PTPRD: variants seen among roughly 807,000 people sequenced by gnomAD.
PTPRD encodes protein tyrosine phosphatase receptor type D, also known as receptor-type tyrosine-protein phosphatase delta.
Under a neutral mutation model 214.5 loss-of-function variants are expected in PTPRD, and 34 were observed. That is an observed-to-expected ratio of 0.16 (90% CI 0.12 to 0.21). The LOEUF is 0.21. Ranked by LOEUF, PTPRD falls within the 10% of genes least tolerant of loss-of-function variation. The pLI, the probability that PTPRD is intolerant of heterozygous loss-of-function variation, is 1.00. For missense variants in PTPRD, 2,545 were observed against 2,398.7 expected (o/e 1.06, Z -1.27); for synonymous variants, 1,128 against 845.7 (o/e 1.33, Z -5.79).
chr9:8,371,164 ATAAG>A (rs780327760), intron 39 of PTPRD, among the ~76,000 whole-genome samples: 20 of 152,088 alleles, frequency 1.3e-4, no homozygotes, highest in Non-Finnish European at 2.6e-4. Context: ...AGAAATAGTT[ATAAG>A]TAAGGCAAAG....
chr9:8,795,406 A>G (rs1168192076), intron 11 of PTPRD, among the ~76,000 whole-genome samples: 1 of 152,094 alleles, frequency 6.6e-6, no homozygotes, highest in Non-Finnish European at 1.5e-5. Context: ...GACCTCAGGC[A>G]ATTCGCCCAC....
At chr9:9,566,040 A>T (rs1369481445) in intron 8 of PTPRD, among the ~76,000 whole-genome samples, 1 of 151,934 alleles carries the variant, frequency 6.6e-6, no homozygotes, top group African/African-American at 2.4e-5. Flanking sequence ...CTCATTTGTG[A>T]CAACTTGAAT....
chr9:8,745,787 T>TCG (rs2092728375), intron 11 of PTPRD, among the ~76,000 whole-genome samples: 2 of 15,676 alleles, frequency 1.3e-4, no homozygotes, highest in African/African-American at 2.0e-4. Flanking sequence ...ATGGAGTTTC[T>TCG]CTCTCTCTCT....
intron 5 of PTPRD, among the ~76,000 whole-genome samples, chr9:9,833,258 G>C (rs987996344): frequency 1.3e-5 from 2 of 151,986 alleles, no homozygotes; most frequent in Non-Finnish European, 2.9e-5. Context: ...GTACAAAAGA[G>C]ATAAATTTTA....
rs531107396 is a variant in PTPRD, at chr9:10,390,075, T to C, written c.-599-49058A>G. On this transcript the variant is annotated intron_variant, in intron 2 of 45. Transcript: ENST00000381196. ...CAATTGCAATTAATTTTTTGATAAA[T>C]TGCCCATTAGGAGCAAATAAAGAAA... is the stretch of plus-strand genomic sequence containing the variant. Among the ~76,000 whole-genome samples, 4 of 151,930 alleles carry C rather than the reference T, an allele frequency of 2.6e-5. No individual in the cohort carries two copies. The East Asian group carries it at 5.9e-4, about 22-fold the overall frequency.
intron 3 of PTPRD, among the ~76,000 whole-genome samples, chr9:10,061,679 C>T (rs1353397700): frequency 1.3e-5 from 2 of 151,904 alleles, no homozygotes; most frequent in African/African-American, 4.8e-5. Context: ...TTTATCCAGC[C>T]AGAAAGGGAA....
chr9:9,714,463 A>G (rs2097784618), intron 7 of PTPRD, among the ~76,000 whole-genome samples: 1 of 151,948 alleles, frequency 6.6e-6, no homozygotes, highest in South Asian at 2.1e-4. Flanking sequence ...CATATACAAA[A>G]TGAACATTAT....
At position 8,981,979 on chromosome 9, in the gene PTPRD, C is replaced by A. The variant is rs546671766; in HGVS notation, c.-104+36718G>T. On this transcript the variant is annotated intron_variant, in intron 11 of 45. Transcript: ENST00000381196. The stretch of plus-strand genomic sequence containing the variant: ...AATCTCGCCAGAGCAAAAGGTAGAT[C>A]ACTTTTTAAAAGACTTACTATAAAT... Among the ~76,000 whole-genome samples the A allele has an allele frequency of 1.9e-4, 29 of 152,014 alleles. 1 individual carries two copies. In the South Asian group the frequency reaches 5.6e-3, roughly 29 times the overall value.
intron 11 of PTPRD, among the ~76,000 whole-genome samples, chr9:8,747,982 G>A (rs2093027767): frequency 6.6e-6 from 1 of 152,118 alleles, no homozygotes; most frequent in Non-Finnish European, 1.5e-5. Context: ...TTCTTCAAAT[G>A]GAGCCACAGA....
intron 14 of PTPRD, among the ~76,000 whole-genome samples, chr9:8,615,026 G>C (rs764737905): frequency 2.0e-5 from 3 of 152,074 alleles, no homozygotes; most frequent in Non-Finnish European, 4.4e-5. Context: ...TGAGGGGTGA[G>C]AAAGACTTCT....
At chr9:9,484,576 T>G (rs886206326) in intron 8 of PTPRD, among the ~76,000 whole-genome samples, 2 of 152,136 alleles carry the variant, frequency 1.3e-5, no homozygotes, top group Non-Finnish European at 2.9e-5. Flanking sequence ...CAAACAACAT[T>G]TGTTTATGGT....
chr9:10,385,691 T>G (rs2097901996), intron 2 of PTPRD, among the ~76,000 whole-genome samples: 1 of 151,836 alleles, frequency 6.6e-6, no homozygotes, highest in African/African-American at 2.4e-5. Flanking sequence ...ATATAGATAA[T>G]ATTTCACTTA....
chr9:10,216,809 C>A (rs759249262), intron 3 of PTPRD, among the ~76,000 whole-genome samples: 3 of 151,982 alleles, frequency 2.0e-5, no homozygotes, highest in Non-Finnish European at 4.4e-5. Context: ...ACACTTCTAT[C>A]TCTTTCTAAT....
At chr9:9,189,121 T>C (rs536683799) in intron 9 of PTPRD, among the ~76,000 whole-genome samples, 29 of 152,210 alleles carry the variant, frequency 1.9e-4, no homozygotes, top group African/African-American at 7.0e-4. Context: ...TATGAGGAAT[T>C]TTCCATAAGT....
intron 2 of PTPRD, among the ~76,000 whole-genome samples, chr9:10,424,321 C>G (rs543035705): frequency 6.7e-6 from 1 of 149,322 alleles, no homozygotes; most frequent in Non-Finnish European, 1.5e-5. Context: ...TTTTCTCTCT[C>G]TCTCTCTCTC....
chr9:8,580,873 G>C (rs141370179), intron 14 of PTPRD, among the ~76,000 whole-genome samples: 1 of 152,334 alleles, frequency 6.6e-6, no homozygotes, highest in Non-Finnish European at 1.5e-5. Context: ...TCCTGTGGAA[G>C]TAGGAAGCCA....
chr9:9,571,842 A>G (rs2086534737), intron 8 of PTPRD, among the ~76,000 whole-genome samples: 1 of 151,194 alleles, frequency 6.6e-6, no homozygotes, highest in African/African-American at 2.4e-5. Flanking sequence ...AAACATTAAA[A>G]CATATACAGA....
intron 6 of PTPRD, among the ~76,000 whole-genome samples, chr9:9,743,731 T>TACACACAC (rs4008087): frequency 0.19 from 14,926 of 80,190 alleles, 1,040 homozygotes; most frequent in Non-Finnish European, 0.22. Context: ...ACTCAGTCTA[T>TACACACAC]ACACACACAC....
At chr9:10,253,460 C>T (rs1261378986) in intron 3 of PTPRD, among the ~76,000 whole-genome samples, 8 of 152,212 alleles carry the variant, frequency 5.3e-5, no homozygotes, top group East Asian at 1.9e-4. Context: ...ATCCACTCAG[C>T]GGCTCAGCTG....
Sources: gnomAD v4.1 joint callset for allele counts (sites outside exome capture counted in the v4.1 genomes callset) on GRCh38, gnomAD v4.1.1 for gene constraint, MANE v1.5 for transcripts, NCBI Gene and HGNC (gene_info 2026-07-23, HGNC 2026-07-21) for gene names.